Variants in UBE3A observed in about 807,000 individuals in gnomAD.
UBE3A encodes the protein ubiquitin-protein ligase E3A.
Under a neutral mutation model 83.4 loss-of-function variants are expected in UBE3A, and 6 were observed. The observed-to-expected ratio is 0.07, with a 90% CI of 0.04 to 0.14. The LOEUF (loss-of-function observed/expected upper bound fraction) is 0.14, where lower values mean the gene tolerates loss of function less well. Among genes scored for constraint, UBE3A ranks in the 10% least tolerant of loss-of-function variants. UBE3A has a pLI of 1.00. For missense variants in UBE3A, 456 were observed against 1,036.1 expected, an observed-to-expected ratio of 0.44 and a Z score of 7.69; for synonymous variants, 337 against 355.4, an observed-to-expected ratio of 0.95 and a Z score of 0.58.
At chr15:25,395,748 C>T (rs2085408533) in intron 4 of UBE3A, among the ~76,000 whole-genome samples, 1 of 152,174 alleles carries the variant, frequency 6.6e-6, no homozygotes, top group Admixed American at 6.5e-5. Flanking sequence ...TAGACAGAGT[C>T]CTGGGGCATT....
intron 6 of UBE3A, among the ~76,000 whole-genome samples, chr15:25,360,950 T>TAC (rs2077973218): frequency 6.6e-6 from 1 of 152,168 alleles, no homozygotes; most frequent in African/African-American, 2.4e-5. Context: ...TCTTAGTATC[T>TAC]ACTAAGTCAT....
chr15:25,425,427 A>G (rs1891048213), intron 1 of UBE3A, among the ~76,000 whole-genome samples: 1 of 152,174 alleles, frequency 6.6e-6, no homozygotes, highest in African/African-American at 2.4e-5. Context: ...AAAAGGGTGA[A>G]TTTTATAGTA....
Position 25,355,270 on chromosome 15 carries a change from TACTG to T in UBE3A, c.2125-591_2125-588del, listed in dbSNP as rs1488650312. On this transcript the variant is annotated intron_variant, in intron 9 of 12. Transcript: ENST00000648336. ...ATCCAGTTCAGCAAAAATGTGGAAG[TACTG>T]ACTGACACATAAACTACTGTATCAA... Among the ~76,000 whole-genome samples the T allele has an allele frequency of 1.3e-5, 2 of 152,188 alleles. 1 individual carries two copies. The highest frequency in any genetic ancestry group is 4.8e-5 in the African/African-American group (2 of 41,456).
chr15:25,425,139 A>C (rs1366613665), intron 1 of UBE3A, among the ~76,000 whole-genome samples: 1 of 151,926 alleles, frequency 6.6e-6, no homozygotes, highest in Admixed American at 6.6e-5. Context: ...TGTGTTACCC[A>C]AAAAAAACAG....
intron 4 of UBE3A, among the ~76,000 whole-genome samples, chr15:25,390,800 T>C (rs2084176429): frequency 6.6e-6 from 1 of 152,074 alleles, no homozygotes; most frequent in Non-Finnish European, 1.5e-5. Context: ...GATGTATCAA[T>C]ATAGGTTCAT....
chr15:25,378,494 T>C (rs897658027), intron 4 of UBE3A, among the ~76,000 whole-genome samples: 2 of 152,148 alleles, frequency 1.3e-5, no homozygotes, highest in African/African-American at 2.4e-5. Flanking sequence ...TTACACACAC[T>C]GCGGGGCACT....
chr15:25,402,265 G>A (rs1365851869), intron 4 of UBE3A, among the ~76,000 whole-genome samples: 1 of 152,226 alleles, frequency 6.6e-6, no homozygotes, highest in Admixed American at 6.5e-5. Flanking sequence ...TGGAGTCTGG[G>A]TCAGCAGGGT....
intron 4 of UBE3A, among the ~76,000 whole-genome samples, chr15:25,387,737 GAA>G (rs1464756445): frequency 5.3e-5 from 8 of 152,176 alleles, no homozygotes; most frequent in Non-Finnish European, 1.5e-5. Context: ...GCCAGGCTAA[GAA>G]AAAGAGACAA....
intron 3 of UBE3A, 82 bp downstream of exon 3, chr15:25,409,006 T>C: frequency 7.1e-7 from 1 of 1,416,988 alleles, no homozygotes; most frequent in Non-Finnish European, 9.7e-7. Flanking sequence ...TCCTGCCAAC[T>C]ATACATTGTC....
chr15:25,340,515 A>G (rs918649664), intron 11 of UBE3A, among the ~76,000 whole-genome samples: 2 of 152,222 alleles, frequency 1.3e-5, no homozygotes, highest in African/African-American at 4.8e-5. Flanking sequence ...TATTTAAACT[A>G]TGGTATAATC....
chr15:25,394,728 G>C (rs2085163587), intron 4 of UBE3A, among the ~76,000 whole-genome samples: 1 of 152,258 alleles, frequency 6.6e-6, no homozygotes, highest in East Asian at 1.9e-4. Flanking sequence ...ATACTTATCA[G>C]TTTATATATA....
intron 4 of UBE3A, among the ~76,000 whole-genome samples, chr15:25,393,455 G>C (rs996566796): frequency 2.6e-5 from 4 of 152,068 alleles, no homozygotes; most frequent in African/African-American, 9.7e-5. Flanking sequence ...TGCTAATTTG[G>C]GGAAATAGCA....
intron 4 of UBE3A, among the ~76,000 whole-genome samples, chr15:25,382,320 C>CA (rs1033359160): frequency 0.012 from 1,219 of 103,474 alleles, 12 homozygotes; most frequent in African/African-American, 0.038. Context: ...GACTCTGTCT[C>CA]AAAAAAAAAA....
chr15:25,412,163 T>C (rs1055536890), intron 1 of UBE3A, among the ~76,000 whole-genome samples, 192 bp from the exon 2 acceptor site: 61 of 152,242 alleles, frequency 4.0e-4, no homozygotes, highest in African/African-American at 1.3e-3. Context: ...CCCTGTGGCC[T>C]GAGTGCTTTC....
rs1209259783 is a variant in UBE3A, at chr15:25,421,249, G to C, written c.-164-9278C>G. On this transcript the variant is annotated intron_variant, in intron 1 of 12. Transcript: ENST00000648336. Reference sequence around the variant, plus strand: ...CCTGCTCTCGCCATATGACACGCCTGCTCCCCCTTTGCCTTCCACCATGAG... The same window carrying C: ...CCTGCTCTCGCCATATGACACGCCTCCTCCCCCTTTGCCTTCCACCATGAG... Among the ~76,000 whole-genome samples the C allele has an allele frequency of 3.3e-5, 5 of 152,102 alleles. No homozygotes were observed. The East Asian group carries it at 9.7e-4, about 29-fold the overall frequency.
intron 4 of UBE3A, among the ~76,000 whole-genome samples, chr15:25,387,064 A>G (rs577796670): frequency 6.6e-6 from 1 of 152,354 alleles, no homozygotes; most frequent in African/African-American, 2.4e-5. Context: ...TAATGTCAAC[A>G]ATTGTGCTTA....
chr15:25,350,649 C>T (rs997240157), intron 11 of UBE3A, among the ~76,000 whole-genome samples: 2 of 152,112 alleles, frequency 1.3e-5, no homozygotes, highest in Non-Finnish European at 2.9e-5. Context: ...GACTACACAG[C>T]TTTATTCACA....
intron 11 of UBE3A, chr15:25,346,462 T>C (rs1352807883): frequency 3.3e-5 from 5 of 152,100 alleles, no homozygotes; most frequent in South Asian, 2.1e-4. Context: ...CCTGATATAA[T>C]AACTAAAATG....
intron 4 of UBE3A, among the ~76,000 whole-genome samples, chr15:25,383,529 C>T (rs1224574291): frequency 6.6e-6 from 1 of 151,930 alleles, no homozygotes; most frequent in Admixed American, 6.6e-5. Flanking sequence ...TCCAGCTACT[C>T]GGGAGGCTGA....
Sources: allele counts gnomAD v4.1 joint callset (sites outside exome capture counted in the v4.1 genomes callset), GRCh38; gene constraint gnomAD v4.1.1; transcripts MANE v1.5; gene names NCBI Gene and HGNC (gene_info 2026-07-23, HGNC 2026-07-21).